Variants in AK9 observed in about 807,000 individuals in gnomAD.
AK9 encodes the protein adenylate kinase 9, also known as adenylate kinase domain containing 1.
AK9 carries 191 observed loss-of-function variants against 239.6 expected under a neutral mutation model. The ratio of observed to expected loss-of-function variants is 0.80; its 90% CI spans 0.71 to 0.90. AK9 has a LOEUF of 0.90. Among genes scored for constraint, AK9 ranks in the 40% least tolerant of loss-of-function variants. The probability of loss-of-function intolerance (pLI) is 0.00; values close to 1 mark genes in which losing one functional copy is unlikely to be tolerated. For synonymous variants in AK9, 689 were observed against 721.0 expected, an observed-to-expected ratio of 0.96 and a Z score of 0.71; for missense variants, 1,995 against 2,214.7, an observed-to-expected ratio of 0.90 and a Z score of 1.99.
At chr6:109,541,371 G>T (rs1339451411) in intron 27 of AK9, among the ~76,000 whole-genome samples, 1 of 152,052 alleles carries the variant, frequency 6.6e-6, no homozygotes, top group Non-Finnish European at 1.5e-5. Flanking sequence ...TTAACTTTAT[G>T]TAATAACATT....
chr6:109,615,089 C>G (rs969380428), intron 13 of AK9, among the ~76,000 whole-genome samples: 4 of 152,188 alleles, frequency 2.6e-5, no homozygotes, highest in African/African-American at 9.6e-5. Flanking sequence ...TTACAGATCA[C>G]TGTTCTTCCT....
chr6:109,518,163 C>T (rs528664615), intron 29 of AK9, among the ~76,000 whole-genome samples: 7 of 152,198 alleles, frequency 4.6e-5, no homozygotes, highest in African/African-American at 1.4e-4. Flanking sequence ...AGATGGGATT[C>T]GGGTGTGTGA....
intron 17 of AK9, among the ~76,000 whole-genome samples, chr6:109,607,941 T>G (rs1376381600): frequency 6.6e-6 from 1 of 151,694 alleles, no homozygotes; most frequent in Non-Finnish European, 1.5e-5. Context: ...AGAAATAGGG[T>G]GCTGAAGGAT....
intron 12 of AK9, among the ~76,000 whole-genome samples, chr6:109,625,637 G>T (rs1795434361): frequency 6.6e-6 from 1 of 152,174 alleles, no homozygotes; most frequent in Non-Finnish European, 1.5e-5. Context: ...AATGCCTGAG[G>T]ATCTGAAGTG....
intron 8 of AK9, among the ~76,000 whole-genome samples, chr6:109,651,276 G>T (rs972861183): frequency 6.6e-6 from 1 of 150,948 alleles, no homozygotes; most frequent in Non-Finnish European, 1.5e-5. Context: ...ACTAAAAGCC[G>T]CAGAACTACA....
At chr6:109,542,273 G>A (rs1468051652) in intron 26 of AK9, 102 bp from the exon 27 acceptor site, 4 of 1,146,270 alleles carry the variant, frequency 3.5e-6, no homozygotes, top group African/African-American at 1.6e-5. Flanking sequence ...ACCTCATGGA[G>A]GTGGAGAGTA....
chr6:109,690,364 AAAG>A (rs1213031720), intron 1 of AK9: 2 of 152,260 alleles, frequency 1.3e-5, no homozygotes, highest in Non-Finnish European at 2.9e-5. Flanking sequence ...TTTTGCAAGA[AAAG>A]AAGCTGGTCT....
At chr6:109,580,641 A>G (rs890066408) in intron 19 of AK9, among the ~76,000 whole-genome samples, 12 of 152,198 alleles carry the variant, frequency 7.9e-5, no homozygotes, top group Non-Finnish European at 1.5e-4. Context: ...CTAGTTACAC[A>G]TAAGACATTA....
chr6:109,581,005 C>T (rs1378333378), intron 19 of AK9, among the ~76,000 whole-genome samples: 1 of 151,854 alleles, frequency 6.6e-6, no homozygotes, highest in Non-Finnish European at 1.5e-5. Context: ...TATTATGTGT[C>T]AGTGATCTGT....
chr6:109,497,619 G>A, intron 37 of AK9, 56 bp from the exon 38 acceptor site: 1 of 1,369,522 alleles, frequency 7.3e-7, no homozygotes, highest in Non-Finnish European at 1.0e-6. Context: ...ATGCAGTCCT[G>A]TGTAAATAAA....
At chr6:109,504,091 C>T (rs77680337) in intron 35 of AK9, among the ~76,000 whole-genome samples, 4,718 of 152,276 alleles carry the variant, frequency 0.031, 232 homozygotes, top group African/African-American at 0.11. Flanking sequence ...CAGTGGCTCA[C>T]GCCTATAAAC....
intron 9 of AK9, among the ~76,000 whole-genome samples, chr6:109,642,700 GA>G (rs1179645027): frequency 2.0e-5 from 3 of 151,294 alleles, no homozygotes; most frequent in African/African-American, 4.9e-5. Flanking sequence ...TGGGATGTGA[GA>G]AAAAAAAAGT....
intron 24 of AK9, among the ~76,000 whole-genome samples, chr6:109,554,747 G>A (rs543345729): frequency 1.9e-4 from 29 of 152,032 alleles, no homozygotes; most frequent in Non-Finnish European, 4.1e-4. Context: ...AGCCAGGCTT[G>A]TCTCGAACTC....
intron 19 of AK9, among the ~76,000 whole-genome samples, chr6:109,581,707 G>A (rs1788880885): frequency 6.6e-6 from 1 of 152,216 alleles, no homozygotes; most frequent in Non-Finnish European, 1.5e-5. Flanking sequence ...TGCTGATGTA[G>A]GAGCTGCAAT....
chr6:109,673,936 C>T (rs1044842630), intron 3 of AK9, among the ~76,000 whole-genome samples: 3 of 151,076 alleles, frequency 2.0e-5, no homozygotes, highest in African/African-American at 7.3e-5. Context: ...GAGTTTGAAA[C>T]CAGCCTGGGC....
At chr6:109,513,243 G>A (rs1350859282) in intron 32 of AK9, among the ~76,000 whole-genome samples, 2 of 152,038 alleles carry the variant, frequency 1.3e-5, no homozygotes, top group East Asian at 3.8e-4. Flanking sequence ...ATATTAGTTT[G>A]TAATTTCTTG....
intron 24 of AK9, among the ~76,000 whole-genome samples, chr6:109,558,867 CTT>C (rs34860829): frequency 0.032 from 4,521 of 141,694 alleles, 104 homozygotes; most frequent in East Asian, 0.13. Flanking sequence ...GGTATATTTA[CTT>C]TTTTTTTTTT....
intron 33 of AK9, among the ~76,000 whole-genome samples, chr6:109,507,510 A>G (rs1216358761): frequency 3.3e-5 from 5 of 152,222 alleles, no homozygotes; most frequent in African/African-American, 9.6e-5. Context: ...TGACAAGGAA[A>G]ATTTAAACTA....
At chr6:109,499,667 C>T (rs1411188957) in intron 35 of AK9, among the ~76,000 whole-genome samples, 1 of 151,874 alleles carries the variant, frequency 6.6e-6, no homozygotes. Context: ...TGGCGTAGCT[C>T]GATCTCAGTT....
Sources: gnomAD v4.1 joint callset for allele counts (sites outside exome capture counted in the v4.1 genomes callset) on GRCh38, gnomAD v4.1.1 for gene constraint, MANE v1.5 for transcripts, NCBI Gene and HGNC (gene_info 2026-07-23, HGNC 2026-07-21) for gene names.